Variants in RASGEF1C observed in about 807,000 individuals in gnomAD.
The protein encoded by RASGEF1C is ras-GEF domain-containing family member 1C.
Under a neutral mutation model 58.1 loss-of-function variants are expected in RASGEF1C, and 27 were observed. The ratio of observed to expected loss-of-function variants is 0.46; its 90% CI spans 0.34 to 0.64. The LOEUF is 0.64. Among genes scored for constraint, RASGEF1C ranks in the 30% least tolerant of loss-of-function variants. RASGEF1C has a pLI of 0.01. For synonymous variants in RASGEF1C, 243 were observed against 246.3 expected, an observed-to-expected ratio of 0.99 and a Z score of 0.13; for missense variants, 502 against 605.1, an observed-to-expected ratio of 0.83 and a Z score of 1.79.
Position 180,173,759 on chromosome 5 carries a change from AG to A in RASGEF1C, c.-7+35268del, listed in dbSNP as rs755679828. Reference sequence around the variant, plus strand: ...GAAACCCCGTCTCTACTAAAAATACAGAAATTAGCTGGGCGTGGTGGTGGGC... The same window carrying A: ...GAAACCCCGTCTCTACTAAAAATACAAAATTAGCTGGGCGTGGTGGTGGGC... On this transcript the variant is annotated intron_variant, in intron 1 of 13. Coordinates refer to ENST00000361132, the MANE Select transcript of RASGEF1C (RefSeq NM_175062.4). Among the ~76,000 whole-genome samples, 164 of 152,156 alleles carry A rather than the reference AG, an allele frequency of 1.1e-3. 1 individual carries two copies. In the East Asian group the frequency reaches 0.03, roughly 28 times the overall value.
chr5:180,103,285 GC>G (rs1314658547), intron 12 of RASGEF1C, among the ~76,000 whole-genome samples: 1 of 152,132 alleles, frequency 6.6e-6, no homozygotes, highest in Non-Finnish European at 1.5e-5. Flanking sequence ...CACCGTGTTA[GC>G]CAGGATGGTC....
chr5:180,157,459 T>A (rs1442863342), intron 1 of RASGEF1C, among the ~76,000 whole-genome samples: 1 of 148,220 alleles, frequency 6.7e-6, no homozygotes, highest in African/African-American at 2.5e-5. Flanking sequence ...CTGTCTCTAC[T>A]AAAAAAAAAA....
intron 1 of RASGEF1C, among the ~76,000 whole-genome samples, chr5:180,151,314 A>G (rs1312870238): frequency 6.6e-6 from 1 of 152,218 alleles, no homozygotes; most frequent in Non-Finnish European, 1.5e-5. Flanking sequence ...CTGACTTCAA[A>G]CTATACTACA....
chr5:180,182,204 C>CAAAAAAAAAAAAAAA (rs1156831010), intron 1 of RASGEF1C, among the ~76,000 whole-genome samples: 5 of 22,770 alleles, frequency 2.2e-4, no homozygotes, highest in African/African-American at 3.1e-4. Flanking sequence ...GACTCCGTCT[C>CAAAAAAAAAAAAAAA]AAAAAAAAAA....
At chr5:180,180,954 G>C (rs1767314516) in intron 1 of RASGEF1C, among the ~76,000 whole-genome samples, 1 of 152,224 alleles carries the variant, frequency 6.6e-6, no homozygotes, top group African/African-American at 2.4e-5. Flanking sequence ...ATCAATCAAT[G>C]TTCACACAAA....
intron 1 of RASGEF1C, among the ~76,000 whole-genome samples, chr5:180,202,312 A>G (rs1756408293): frequency 6.6e-6 from 1 of 152,220 alleles, no homozygotes; most frequent in Non-Finnish European, 1.5e-5. Context: ...TGAAGAAAAA[A>G]GGTAAAATAA....
At chr5:180,128,698 G>A in intron 4 of RASGEF1C, 88 bp from the exon 5 acceptor site, 1 of 1,334,722 alleles carries the variant, frequency 7.5e-7, no homozygotes, top group East Asian at 2.5e-5. Context: ...GGGCTCCAAA[G>A]GGAGGGTCTT....
chr5:180,178,261 C>T (rs1428743857), intron 1 of RASGEF1C, among the ~76,000 whole-genome samples: 1 of 143,972 alleles, frequency 6.9e-6, no homozygotes, highest in African/African-American at 2.6e-5. Context: ...GTGTGAGCCA[C>T]TGCACCCGGC....
intron 1 of RASGEF1C, among the ~76,000 whole-genome samples, chr5:180,148,039 T>C (rs1318518500): frequency 6.6e-6 from 1 of 152,208 alleles, no homozygotes; most frequent in Non-Finnish European, 1.5e-5. Context: ...TTTGGGGTCA[T>C]AAATGTTTAT....
At chr5:180,192,535 T>G (rs1378357601) in intron 1 of RASGEF1C, among the ~76,000 whole-genome samples, 1 of 152,164 alleles carries the variant, frequency 6.6e-6, no homozygotes, top group Non-Finnish European at 1.5e-5. Context: ...ACTGTAATTT[T>G]CATGAAATCT....
chr5:180,119,562 G>T, intron 7 of RASGEF1C, 114 bp from the exon 8 acceptor site: 1 of 740,518 alleles, frequency 1.4e-6, no homozygotes, highest in Non-Finnish European at 2.3e-6. Flanking sequence ...CACAGCTGAG[G>T]CACTTGAGGC....
chr5:180,130,696 T>C (rs1249486851), intron 4 of RASGEF1C, among the ~76,000 whole-genome samples: 2 of 152,198 alleles, frequency 1.3e-5, no homozygotes, highest in African/African-American at 4.8e-5. Flanking sequence ...TCTGCAGGCT[T>C]GCCTGTGTTC....
intron 10 of RASGEF1C, among the ~76,000 whole-genome samples, chr5:180,117,602 C>T (rs1766090523): frequency 6.6e-6 from 1 of 152,152 alleles, no homozygotes; most frequent in African/African-American, 2.4e-5. Flanking sequence ...ATCCCAGAGC[C>T]TGTGCATGAC....
intron 1 of RASGEF1C, among the ~76,000 whole-genome samples, chr5:180,201,094 T>C (rs139532007): frequency 2.8e-4 from 42 of 152,106 alleles, no homozygotes; most frequent in African/African-American, 8.9e-4. Flanking sequence ...CGAGACCTTG[T>C]CTCTAAATAA....
intron 1 of RASGEF1C, among the ~76,000 whole-genome samples, chr5:180,169,338 C>T (rs1449536415): frequency 2.0e-5 from 3 of 152,186 alleles, no homozygotes; most frequent in Admixed American, 6.5e-5. Flanking sequence ...ACTCCCACCT[C>T]GCCTCGGAGT....
rs201217573 is a variant in RASGEF1C, at chr5:180,136,528, G to C, written c.301-13C>G. 1 of 1,569,208 alleles carries C rather than the reference G, an allele frequency of 6.4e-7. No individual in the cohort carries two copies. The highest frequency in any genetic ancestry group is 1.4e-5 in the African/African-American group (1 of 73,992). ...TCCGGACCCGGGCCTACGGGCAAGC[G>C]AGGGGCACCGCGCTCGTGAGGGGCG... is the stretch of plus-strand genomic sequence containing the variant. On this transcript the variant is annotated splice_polypyrimidine_tract_variant and intron_variant, in intron 3 of 13. Transcript: ENST00000361132.
intron 1 of RASGEF1C, among the ~76,000 whole-genome samples, chr5:180,150,686 A>G (rs1766731360): frequency 6.6e-6 from 1 of 152,146 alleles, no homozygotes; most frequent in Admixed American, 6.6e-5. Flanking sequence ...CACCACTCCT[A>G]TTCAACATAG....
rs1341381487 is a variant in RASGEF1C at position 180,190,502 on chromosome 5, AAAAAAAT to A, written c.-7+18519_-7+18525del. Among the ~76,000 whole-genome samples, 4 of 100,834 alleles carry A rather than the reference AAAAAAAT, an allele frequency of 4.0e-5. No individual in the cohort carries two copies. In the South Asian group the frequency reaches 1.1e-3, roughly 29 times the overall value. The allele number at this position is 100,834 out of a possible 152,430, so 66.2% of individuals were successfully genotyped here. A position where few individuals can be genotyped will look rare whatever the true frequency, so the allele number is the denominator to read the frequency against. The stretch of plus-strand genomic sequence containing the variant: ...GAGACTCCGTCTCAAAAAAAAAAAA[AAAAAAAT>A]AATAATAATAATAATAATAATTAGC... On this transcript the variant is annotated intron_variant, in intron 1 of 13. Transcript: ENST00000361132.
At chr5:180,153,930 C>T (rs1321491492) in intron 1 of RASGEF1C, among the ~76,000 whole-genome samples, 6 of 152,210 alleles carry the variant, frequency 3.9e-5, no homozygotes, top group African/African-American at 1.4e-4. Context: ...GTACTCCAAA[C>T]CCAAATGTTG....
Sources: allele counts gnomAD v4.1 joint callset (sites outside exome capture counted in the v4.1 genomes callset), GRCh38; gene constraint gnomAD v4.1.1; transcripts MANE v1.5; gene names NCBI Gene and HGNC (gene_info 2026-07-23, HGNC 2026-07-21).